CYP4F11: variants seen among roughly 807,000 people sequenced by gnomAD.
CYP4F11 encodes cytochrome P450 4F11.
In CYP4F11, 79 loss-of-function variants were observed where a neutral mutation model predicts 62.2. The observed-to-expected ratio is 1.27, with a 90% CI of 1.06 to 1.53. The LOEUF (loss-of-function observed/expected upper bound fraction) is 1.53. Ranked by LOEUF, CYP4F11 falls within the 40% of genes most tolerant of loss-of-function variation. CYP4F11 has a pLI of 0.00. For synonymous variants in CYP4F11, 290 were observed against 263.7 expected, an observed-to-expected ratio of 1.10 and a Z score of -0.97; for missense variants, 777 against 680.5, an observed-to-expected ratio of 1.14 and a Z score of -1.58.
chr19:15,931,559 AGCGAGG>A (rs2089719387), intron 1 of CYP4F11, among the ~76,000 whole-genome samples: 13 of 108,514 alleles, frequency 1.2e-4, no homozygotes, highest in South Asian at 6.1e-4. Flanking sequence ...GGAATGAGTG[AGCGAGG>A]AGAGGAATGA....
chr19:15,914,629 G>A lies in CYP4F11; in HGVS notation c.1287C>T (p.Tyr429=), dbSNP rs200031770. 3.7e-6 allele frequency: 6 copies of A among 1,614,222 alleles called. No individual in the cohort carries two copies. Among genetic ancestry groups the A allele is most frequent in the East Asian group, 2.2e-5 (1 of 44,888 alleles). ...VCLINIIGIH[Y]NPTVWPDPEV... is the part of the protein sequence containing the mutation. ...CAGGGTCTGGCCACACAGTTGGGTT[G>A]TAATGGATCCCGATAATATTGATGA... Residue 429 remains tyrosine (Y), a synonymous_variant, in exon 10 of 12, where the codon TAC becomes TAT. Coordinates refer to ENST00000402119, the MANE Select transcript of CYP4F11 (RefSeq NM_021187.4).
chr19:15,923,757 A>G (rs73001356), intron 6 of CYP4F11, 55 bp downstream of exon 6: 136 of 1,564,858 alleles, frequency 8.7e-5, no homozygotes, highest in Non-Finnish European at 1.2e-4. Flanking sequence ...CTTTCATTTG[A>G]CAGAGGCATA....
At chr19:15,923,094 T>C (rs1307513571) in intron 6 of CYP4F11, among the ~76,000 whole-genome samples, 1 of 152,208 alleles carries the variant, frequency 6.6e-6, no homozygotes, top group Non-Finnish European at 1.5e-5. Flanking sequence ...TTACTCTGAA[T>C]GTATTTGCTC....
In CYP4F11 at chr19:15,913,812, G is replaced by A. The variant is rs373889291; in HGVS notation, c.1495C>T (p.Arg499Cys). Residue 499 changes from arginine to cysteine, a missense_variant, in exon 12 of 12, where the codon CGC (arginine) becomes TGC (cysteine). Physicochemically the swap from Arg to Cys is radical, Grantham distance 180. Coordinates refer to ENST00000402119, the MANE Select transcript of CYP4F11 (RefSeq NM_021187.4). Reference protein sequence around the residue: ...FRILPTHTEPRRKPELILRAE... With the variant: ...FRILPTHTEPCRKPELILRAE... ...CGCAATATCAGCTCGGGTTTCCTGC[G>A]GGGTTCAGTGTGGGTCGGCAGGATG... The A allele has an allele frequency of 3.7e-6, 6 of 1,614,054 alleles. No individual in the cohort carries two copies. Among genetic ancestry groups the A allele is most frequent in the South Asian group, 1.1e-5 (1 of 91,088 alleles).
chr19:15,922,796 A>G (rs1481453416), intron 6 of CYP4F11, among the ~76,000 whole-genome samples: 2 of 152,238 alleles, frequency 1.3e-5, no homozygotes, highest in Non-Finnish European at 2.9e-5. Context: ...GCTCACGCCT[A>G]TAATCCCAAC....
At chr19:15,919,879 T>C (rs1020707662) in intron 8 of CYP4F11, among the ~76,000 whole-genome samples, 2 of 151,976 alleles carry the variant, frequency 1.3e-5, no homozygotes, top group African/African-American at 4.8e-5. Context: ...ATAGGTTACA[T>C]AGAAATCACA....
chr19:15,930,469 G>A (rs1246254014), intron 1 of CYP4F11, among the ~76,000 whole-genome samples: 1 of 152,160 alleles, frequency 6.6e-6, no homozygotes, highest in Non-Finnish European at 1.5e-5. Flanking sequence ...GCTCACACCT[G>A]TAGTCCCAGG....
chr19:15,922,567 TTG>T (rs2089637320), intron 6 of CYP4F11, 137 bp from the exon 7 acceptor site: 1 of 879,146 alleles, frequency 1.1e-6, no homozygotes, highest in Non-Finnish European at 1.8e-6. Context: ...TAGATGTCTC[TTG>T]GTCACCACCA....
intron 4 of CYP4F11, among the ~76,000 whole-genome samples, chr19:15,926,792 A>G (rs2089671418): frequency 6.6e-6 from 1 of 152,126 alleles, no homozygotes; most frequent in Admixed American, 6.5e-5. Context: ...AGCTGCCCAC[A>G]TGACCCACAG....
intron 8 of CYP4F11, among the ~76,000 whole-genome samples, chr19:15,916,303 A>T (rs980729635): frequency 3.3e-5 from 5 of 152,152 alleles, no homozygotes; most frequent in Non-Finnish European, 7.4e-5. Flanking sequence ...TGGGAAGAAA[A>T]ACATCATAAA....
At chr19:15,926,850 C>CCTTCTGGTTATT (rs372053822) in intron 4 of CYP4F11, among the ~76,000 whole-genome samples, 1 of 33,206 alleles carries the variant, frequency 3.0e-5, no homozygotes, top group South Asian at 9.7e-4. Flanking sequence ...AAGAACCAGC[C>CCTTCTGGTTATT]AACTGTCTCA....
At position 15,913,469 on chromosome 19, in the gene CYP4F11, G is replaced by T; in HGVS notation, c.*263C>A. The T allele has an allele frequency of 2.0e-6, 1 of 496,282 alleles. No homozygotes were observed. The allele number at this position is 496,282 out of a possible 1,614,324, so 30.7% of individuals were successfully genotyped here. ...CCCTCTCCTGCTCAAACACCTCCCA[G>T]GGCTCCCTACTGCCCACAGGATAAA... On this transcript the variant is annotated 3_prime_UTR_variant, in exon 12 of 12. Coordinates refer to ENST00000402119, the MANE Select transcript of CYP4F11 (RefSeq NM_021187.4).
chr19:15,919,976 G>A (rs1356957843), intron 8 of CYP4F11, among the ~76,000 whole-genome samples: 11 of 152,072 alleles, frequency 7.2e-5, no homozygotes, highest in Admixed American at 3.9e-4. Flanking sequence ...TCCATTAGAC[G>A]GGAGGAAAAA....
intron 1 of CYP4F11, among the ~76,000 whole-genome samples, chr19:15,931,094 T>C (rs1026853938): frequency 2.0e-5 from 3 of 148,652 alleles, no homozygotes; most frequent in Non-Finnish European, 4.4e-5. Context: ...GAGAAGGGAG[T>C]GGCCAACTTT....
chr19:15,921,074 CT>C (rs1300248957), intron 8 of CYP4F11, among the ~76,000 whole-genome samples: 5 of 15,210 alleles, frequency 3.3e-4, no homozygotes, highest in Admixed American at 5.7e-4. Flanking sequence ...CTCTCTCTCT[CT>C]CTCTCTCTCT....
chr19:15,922,881 C>T (rs1408327877), intron 6 of CYP4F11, among the ~76,000 whole-genome samples: 2 of 136,370 alleles, frequency 1.5e-5, no homozygotes, highest in South Asian at 2.2e-4. Flanking sequence ...TGGAGAAACC[C>T]CGTCCCTACT....
chr19:15,918,141 A>T (rs926896251), intron 8 of CYP4F11, among the ~76,000 whole-genome samples: 2 of 152,216 alleles, frequency 1.3e-5, no homozygotes, highest in African/African-American at 4.8e-5. Context: ...TTGCAGGAAC[A>T]TGGATGGAGC....
At chr19:15,929,354 G>A (rs1435062379) in intron 2 of CYP4F11, 103 bp downstream of exon 2, 5 of 1,444,338 alleles carry the variant, frequency 3.5e-6, no homozygotes, top group East Asian at 4.5e-5. Context: ...GCAGGAAGAG[G>A]GGCCTGGGCC....
intron 2 of CYP4F11, 36 bp from the exon 3 acceptor site, chr19:15,927,519 G>C (rs994877199): frequency 8.1e-6 from 13 of 1,612,228 alleles, no homozygotes; most frequent in Middle Eastern, 3.3e-4. Flanking sequence ...GCCATGGAGA[G>C]GGGTGAGAGA....
Sources: allele counts gnomAD v4.1 joint callset (sites outside exome capture counted in the v4.1 genomes callset), GRCh38; gene constraint gnomAD v4.1.1; transcripts MANE v1.5; gene names NCBI Gene and HGNC (gene_info 2026-07-23, HGNC 2026-07-21).